CFAP54: variants seen among roughly 807,000 people sequenced by gnomAD.
CFAP54 encodes cilia- and flagella-associated protein 54.
CFAP54 carries 290 observed loss-of-function variants against 370.4 expected under a neutral mutation model. The observed-to-expected ratio is 0.78, with a 90% confidence interval of 0.71 to 0.86. CFAP54 has a LOEUF of 0.86. CFAP54 is among the 40% of genes least tolerant of loss of function. CFAP54 has a pLI of 0.00. For missense variants in CFAP54, 3,399 were observed against 3,528.7 expected, an observed-to-expected ratio of 0.96 and a Z score of 0.93; for synonymous variants, 1,206 against 1,236.5, an observed-to-expected ratio of 0.98 and a Z score of 0.52.
chr12:96,527,307 C>T lies in CFAP54; in HGVS notation c.1220C>T (p.Ser407Phe). The change falls in exon 9 of 68, where the codon TCC (serine) becomes TTC (phenylalanine). Residue 407 changes from serine (S) to phenylalanine (F), a missense_variant. By Grantham distance (155) the Ser-to-Phe change is radical. Coordinates refer to ENST00000524981, the MANE Select transcript of CFAP54 (RefSeq NM_001306084.2). ...GATGAGATGTTTGATAGCACTGCATCCCAGTTTCTGGCTGTCTTGGAAGCT... is the reference window on the plus strand; with the variant it reads ...GATGAGATGTTTGATAGCACTGCATTCCAGTTTCTGGCTGTCTTGGAAGCT... The part of the protein sequence containing the change: ...LLDEMFDSTA[S>F]QFLAVLEALS... The T allele has an allele frequency of 6.5e-7, 1 of 1,535,716 alleles. No individual in the cohort carries two copies. The highest frequency in any genetic ancestry group is 8.7e-7 in the Non-Finnish European group (1 of 1,146,664).
chr12:96,774,400 A>C (rs2136682280), intron 60 of CFAP54, among the ~76,000 whole-genome samples: 1 of 152,254 alleles, frequency 6.6e-6, no homozygotes, highest in East Asian at 1.9e-4. Flanking sequence ...AACTTATAGA[A>C]ATCTATTCGG....
At position 96,576,708 on chromosome 12, in the gene CFAP54, C is replaced by T. The variant is rs1455403946; in HGVS notation, c.2743C>T (p.Arg915Ter). The T allele has an allele frequency of 7.2e-6, 11 of 1,535,746 alleles. No individual in the cohort carries two copies. Among genetic ancestry groups the T allele is most frequent in the East Asian group, 2.4e-5 (1 of 40,906 alleles). ...RVPPPPILLS[R>*]THCSVTLKPA... ...CCCCCCTCCACCTATCCTGCTGTCT[C>T]GAACTCATTGTTCTGTGACACTCAA... Residue 915 changes from arginine (R) to a stop codon, truncating the protein, a stop_gained, in exon 20 of 68, where the codon CGA becomes TGA. Transcript: ENST00000524981. LOFTEE classifies it high-confidence loss of function.
chr12:96,627,662 T>G (rs1473788964), intron 30 of CFAP54, among the ~76,000 whole-genome samples: 5 of 152,170 alleles, frequency 3.3e-5, no homozygotes, highest in Non-Finnish European at 7.3e-5. Flanking sequence ...AACAGAAGCT[T>G]AGAGTATATA....
chr12:96,532,600 G>A (rs1321842296), intron 9 of CFAP54, among the ~76,000 whole-genome samples: 2 of 151,976 alleles, frequency 1.3e-5, no homozygotes, highest in African/African-American at 4.8e-5. Context: ...ATCCCTCCAA[G>A]TGTCCAAGTG....
chr12:96,769,854 A>G (rs1238989001), intron 60 of CFAP54, among the ~76,000 whole-genome samples: 3 of 152,208 alleles, frequency 2.0e-5, no homozygotes, highest in African/African-American at 7.2e-5. Flanking sequence ...TTGTCAGAAT[A>G]CAAAAAGAGA....
At chr12:96,723,513 G>A (rs1957784361) in intron 50 of CFAP54, among the ~76,000 whole-genome samples, 1 of 152,134 alleles carries the variant, frequency 6.6e-6, no homozygotes. Context: ...GTAAGGTAAG[G>A]ATAGAGAGTT....
chr12:96,495,835 AT>A (rs1478384763), intron 1 of CFAP54, among the ~76,000 whole-genome samples: 1 of 152,148 alleles, frequency 6.6e-6, no homozygotes, highest in Non-Finnish European at 1.5e-5. Context: ...ATCTTGATTG[AT>A]TTAACAAAGC....
chr12:96,641,939 G>C (rs1037833324), intron 32 of CFAP54, among the ~76,000 whole-genome samples: 49 of 143,786 alleles, frequency 3.4e-4, no homozygotes, highest in Non-Finnish European at 4.3e-4. Context: ...GGGGTGGTGC[G>C]GGGGGGGAGG....
At chr12:96,504,157 A>G (rs779311096) in intron 3 of CFAP54, 128 bp downstream of exon 3, 16 of 844,990 alleles carry the variant, frequency 1.9e-5, no homozygotes, top group Non-Finnish European at 2.7e-5. Flanking sequence ...AAGTTGCTTA[A>G]TAAATACTTT....
chr12:96,723,660 TC>T (rs984024764), intron 50 of CFAP54, among the ~76,000 whole-genome samples: 5 of 151,048 alleles, frequency 3.3e-5, no homozygotes, highest in Non-Finnish European at 7.4e-5. Flanking sequence ...TAAAGATGAT[TC>T]TTTTTTTTTT....
Position 96,704,778 on chromosome 12 carries a change from C to T in CFAP54, c.6510C>T (p.Thr2170=), listed in dbSNP as rs778208945. 2 of 1,192,306 alleles carry T rather than the reference C, an allele frequency of 1.7e-6. No homozygotes were observed. Among genetic ancestry groups the T allele is most frequent in the Non-Finnish European group, 2.3e-6 (2 of 859,580 alleles). 73.9% of individuals were successfully genotyped at this position (1,192,306 alleles called of 1,614,324 possible). The change falls in exon 47 of 68, where the codon ACC becomes ACT. Residue 2170 remains threonine, a synonymous_variant. Transcript: ENST00000524981. ...FQSFDSGKLL[T]SKENIQAIDE... is the part of the protein sequence containing the mutation. The stretch of plus-strand genomic sequence containing the variant: ...CATTTGACTCAGGAAAACTTCTTAC[C>T]AGTAAAGAAAATATACAGGTAAGGA...
chr12:96,630,349 T>C (rs771864012), intron 31 of CFAP54, 145 bp downstream of exon 31: 35 of 610,360 alleles, frequency 5.7e-5, no homozygotes, highest in Non-Finnish European at 8.7e-5. Flanking sequence ...ACAATACAAC[T>C]TTTAGATTAA....
At chr12:96,492,028 G>A (rs1386660659) in intron 1 of CFAP54, among the ~76,000 whole-genome samples, 1 of 152,112 alleles carries the variant, frequency 6.6e-6, no homozygotes, top group Non-Finnish European at 1.5e-5. Flanking sequence ...CAAGATTGCT[G>A]AGGTTACAGG....
chr12:96,690,302 A>G (rs1180416263), intron 43 of CFAP54, among the ~76,000 whole-genome samples: 1 of 152,220 alleles, frequency 6.6e-6, no homozygotes, highest in Non-Finnish European at 1.5e-5. Flanking sequence ...TTAGAATAGG[A>G]TATCTCATGA....
At chr12:96,658,625 T>G (rs904809874) in intron 38 of CFAP54, among the ~76,000 whole-genome samples, 6 of 152,042 alleles carry the variant, frequency 3.9e-5, no homozygotes, top group African/African-American at 1.5e-4. Context: ...ACTTTTTTTT[T>G]TTGTTTTTGT....
intron 19 of CFAP54, among the ~76,000 whole-genome samples, chr12:96,568,406 C>G (rs1021102164): frequency 6.6e-6 from 1 of 151,926 alleles, no homozygotes; most frequent in Non-Finnish European, 1.5e-5. Context: ...AGGAACATGT[C>G]GAATATTTAT....
chr12:96,643,044 A>C (rs1269259162), intron 32 of CFAP54, among the ~76,000 whole-genome samples: 11 of 152,052 alleles, frequency 7.2e-5, no homozygotes, highest in Admixed American at 2.0e-4. Flanking sequence ...CCGATTGTTG[A>C]CTCATCTTGG....
intron 20 of CFAP54, among the ~76,000 whole-genome samples, chr12:96,579,473 A>G (rs1956010960): frequency 6.6e-6 from 1 of 152,198 alleles, no homozygotes; most frequent in Admixed American, 6.5e-5. Context: ...CACTTGTGTC[A>G]ATTGGACATA....
intron 32 of CFAP54, among the ~76,000 whole-genome samples, chr12:96,640,934 A>G (rs1338387835): frequency 6.6e-6 from 1 of 152,100 alleles, no homozygotes; most frequent in Non-Finnish European, 1.5e-5. Flanking sequence ...TTCAAGATGG[A>G]TTAAAGACTT....
Sources: gnomAD v4.1 joint callset for allele counts (sites outside exome capture counted in the v4.1 genomes callset) on GRCh38, gnomAD v4.1.1 for gene constraint, MANE v1.5 for transcripts, NCBI Gene and HGNC (gene_info 2026-07-23, HGNC 2026-07-21) for gene names.